The following PTPRG variants were observed in gnomAD, a reference collection of about 807,000 sequenced individuals.
The protein encoded by PTPRG is protein tyrosine phosphatase receptor type G, also known as receptor-type tyrosine-protein phosphatase gamma.
Under a neutral mutation model 165.3 loss-of-function variants are expected in PTPRG, and 102 were observed. The ratio of observed to expected loss-of-function variants is 0.62; its 90% CI spans 0.53 to 0.73. The LOEUF (loss-of-function observed/expected upper bound fraction) is 0.73, where lower values mean the gene tolerates loss of function less well. Ranked by LOEUF, PTPRG falls within the 30% of genes least tolerant of loss-of-function variation. The pLI, the probability that PTPRG is intolerant of heterozygous loss-of-function variation, is 0.00. For synonymous variants in PTPRG, 675 were observed against 669.5 expected, an observed-to-expected ratio of 1.01 and a Z score of -0.13; for missense variants, 1,866 against 1,861.4, an observed-to-expected ratio of 1.00 and a Z score of -0.05.
chr3:62,175,396 G>A (rs1232828430), intron 8 of PTPRG, among the ~76,000 whole-genome samples: 2 of 152,156 alleles, frequency 1.3e-5, no homozygotes, highest in African/African-American at 4.8e-5. Flanking sequence ...TGAGCAGTTC[G>A]CTTGAGCCCA....
At chr3:61,771,830 G>A (rs1166497765) in intron 2 of PTPRG, among the ~76,000 whole-genome samples, 1 of 152,010 alleles carries the variant, frequency 6.6e-6, no homozygotes, top group Non-Finnish European at 1.5e-5. Flanking sequence ...GGAGGCTGAG[G>A]TGGCGGGTCA....
At chr3:62,230,752 G>C (rs888351591) in intron 13 of PTPRG, among the ~76,000 whole-genome samples, 2 of 152,184 alleles carry the variant, frequency 1.3e-5, no homozygotes, top group Admixed American at 6.5e-5. Context: ...GGAAAGCATG[G>C]GGTAAAAGAC....
At chr3:61,786,866 G>A (rs973592154) in intron 2 of PTPRG, among the ~76,000 whole-genome samples, 15 of 152,154 alleles carry the variant, frequency 9.9e-5, no homozygotes, top group African/African-American at 3.1e-4. Context: ...GAAGCCTTAC[G>A]CACCATAACT....
Position 62,278,233 on chromosome 3 carries a change from T to C in PTPRG, c.3765+554T>C, listed in dbSNP as rs115712874. Among the ~76,000 whole-genome samples the C allele has an allele frequency of 2.1e-3, 317 of 152,214 alleles. 2 individuals are homozygous for C. Among genetic ancestry groups the C allele is most frequent in the Middle Eastern group, 6.8e-3 (2 of 294 alleles). On this transcript the variant is annotated intron_variant, in intron 26 of 29. Coordinates refer to ENST00000474889, the MANE Select transcript of PTPRG (RefSeq NM_002841.4). Reference sequence around the variant, plus strand: ...AGAGACCATGCTTATATAATCATTTTACTGTATGTCTTACCCCAAAATATT... The same window carrying C: ...AGAGACCATGCTTATATAATCATTTCACTGTATGTCTTACCCCAAAATATT...
intron 2 of PTPRG, among the ~76,000 whole-genome samples, chr3:61,790,017 C>A (rs540350107): frequency 1.3e-5 from 2 of 152,136 alleles, no homozygotes. Flanking sequence ...TCGGCATGGC[C>A]GTGGGATTCA....
intron 9 of PTPRG, among the ~76,000 whole-genome samples, chr3:62,193,161 C>T (rs78347963): frequency 0.012 from 1,769 of 152,298 alleles, 18 homozygotes; most frequent in Non-Finnish European, 0.016. Flanking sequence ...GTGAAGATGG[C>T]TTGCATTAAT....
intron 2 of PTPRG, among the ~76,000 whole-genome samples, chr3:61,860,732 C>G (rs2037242929): frequency 6.6e-6 from 1 of 152,164 alleles, no homozygotes; most frequent in Non-Finnish European, 1.5e-5. Flanking sequence ...GTGTGAGCCA[C>G]TGCGCCTAGC....
At chr3:61,749,335 T>C (rs1041237660) in intron 2 of PTPRG, 26 of 371,684 alleles carry the variant, frequency 7.0e-5, no homozygotes, top group Non-Finnish European at 1.3e-4. Flanking sequence ...TGGCTAGTCT[T>C]GAGCTGCTAA....
intron 5 of PTPRG, among the ~76,000 whole-genome samples, chr3:62,105,409 G>T (rs1229215886): frequency 1.3e-5 from 2 of 152,140 alleles, no homozygotes; most frequent in African/African-American, 4.8e-5. Flanking sequence ...TATTAATTAT[G>T]TTGCTCCAAA....
intron 2 of PTPRG, among the ~76,000 whole-genome samples, chr3:61,891,447 A>G (rs1002370365): frequency 6.6e-6 from 1 of 152,212 alleles, no homozygotes; most frequent in African/African-American, 2.4e-5. Flanking sequence ...GAGATTTTCT[A>G]TGTGTAAACC....
chr3:62,161,797 C>T (rs565464508), intron 7 of PTPRG, among the ~76,000 whole-genome samples: 11 of 152,280 alleles, frequency 7.2e-5, no homozygotes, highest in African/African-American at 2.2e-4. Context: ...TTCGGATGCT[C>T]CAGGCTACTG....
intron 2 of PTPRG, among the ~76,000 whole-genome samples, chr3:61,906,785 AGG>A (rs2038667722): frequency 9.4e-6 from 1 of 106,810 alleles, no homozygotes; most frequent in South Asian, 2.5e-4. Flanking sequence ...CCCTGTAGGT[AGG>A]TAGGTAGGTA....
At chr3:62,149,401 C>T (rs147761442) in intron 6 of PTPRG, among the ~76,000 whole-genome samples, 164 of 151,782 alleles carry the variant, frequency 1.1e-3, no homozygotes, top group Middle Eastern at 3.4e-3. Context: ...AGCCTCCCAA[C>T]AAGCTGGGAC....
At chr3:62,163,340 C>T (rs1487182519) in intron 7 of PTPRG, among the ~76,000 whole-genome samples, 4 of 152,116 alleles carry the variant, frequency 2.6e-5, no homozygotes, top group Admixed American at 2.6e-4. Flanking sequence ...ATATTACCAC[C>T]AGCCTCATGG....
At chr3:62,105,819 T>A (rs1702455053) in intron 5 of PTPRG, among the ~76,000 whole-genome samples, 1 of 152,226 alleles carries the variant, frequency 6.6e-6, no homozygotes. Context: ...CATTCATATG[T>A]CAACGTAGAT....
chr3:62,256,150 C>G (rs1701530284), intron 16 of PTPRG, among the ~76,000 whole-genome samples: 1 of 152,070 alleles, frequency 6.6e-6, no homozygotes, highest in Non-Finnish European at 1.5e-5. Flanking sequence ...TGATGCTAAC[C>G]TACCCATCTC....
At chr3:61,612,167 T>C (rs1393240368) in intron 1 of PTPRG, among the ~76,000 whole-genome samples, 1 of 152,176 alleles carries the variant, frequency 6.6e-6, no homozygotes, top group African/African-American at 2.4e-5. Flanking sequence ...GGTCTTGAAC[T>C]CCTGACCTCA....
chr3:62,157,826 CATTG>C (rs1704597993), intron 7 of PTPRG, among the ~76,000 whole-genome samples: 1 of 152,156 alleles, frequency 6.6e-6, no homozygotes, highest in Non-Finnish European at 1.5e-5. Context: ...TAAAACATAC[CATTG>C]ATTGAGTTCT....
At position 62,295,836 on chromosome 3, in the gene PTPRG, T is replaced by C. The variant is rs1042668312; in HGVS notation, c.*2529T>C. 6.6e-6 allele frequency: 1 copy of C among 152,088 alleles called. No individual in the cohort carries two copies. The highest frequency in any genetic ancestry group is 2.4e-5 in the African/African-American group (1 of 41,428). The allele number at this position is 152,088 out of a possible 1,614,324, so 9.4% of individuals were successfully genotyped here. A position where few individuals can be genotyped will look rare whatever the true frequency, so the allele number is the denominator to read the frequency against. On this transcript the variant is annotated 3_prime_UTR_variant, in exon 30 of 30. Coordinates refer to ENST00000474889, the MANE Select transcript of PTPRG (RefSeq NM_002841.4). ...AGCATATCCTCACTATTATTATTCA[T>C]GTGTTATTGGCAAAAACATAGCTTG...
Sources: gnomAD v4.1 joint callset for allele counts (sites outside exome capture counted in the v4.1 genomes callset) on GRCh38, gnomAD v4.1.1 for gene constraint, MANE v1.5 for transcripts, NCBI Gene and HGNC (gene_info 2026-07-23, HGNC 2026-07-21) for gene names.